Variants in CSDC2 observed in about 807,000 individuals in gnomAD.
The protein encoded by CSDC2 is cold shock domain containing C2, also known as cold shock domain-containing protein C2.
CSDC2 carries 8 observed loss-of-function variants against 15.8 expected under a neutral mutation model. The observed-to-expected ratio is 0.51, with a 90% CI of 0.30 to 0.92. CSDC2 has a LOEUF of 0.92. Ranked by LOEUF, CSDC2 falls within the 40% of genes least tolerant of loss-of-function variation. CSDC2 has a pLI of 0.07. For synonymous variants in CSDC2, 96 were observed against 92.3 expected, an observed-to-expected ratio of 1.04 and a Z score of -0.23; for missense variants, 195 against 213.3, an observed-to-expected ratio of 0.91 and a Z score of 0.53.
rs1410030355 is a variant in CSDC2 at position 41,572,020 on chromosome 22, TC to T, written c.59del (p.Pro20GlnfsTer94). The T allele has an allele frequency of 7.4e-7, 1 of 1,353,358 alleles. No homozygotes were observed. The highest frequency in any genetic ancestry group is 9.5e-7 in the Non-Finnish European group (1 of 1,050,096). 83.8% of individuals were successfully genotyped at this position (1,353,358 alleles called of 1,614,324 possible). On this transcript the variant is annotated frameshift_variant, in exon 2 of 4. Coordinates refer to ENST00000306149, the MANE Select transcript of CSDC2 (RefSeq NM_014460.4). LOFTEE classifies it high-confidence loss of function. The part of the protein sequence containing the change: ...PVVPPLHSPK[S>X]PVWPTFPFHR... ...TGTGCCCCCGCTCCACTCCCCCAAG[TC>T]CCCAGTCTGGCCCACCTTCCCCTTC... is the stretch of plus-strand genomic sequence containing the variant.
At chr22:41,563,321 G>C in intron 1 of CSDC2, among the ~76,000 whole-genome samples, 1 of 152,128 alleles carries the variant, frequency 6.6e-6, no homozygotes, top group South Asian at 2.1e-4. Flanking sequence ...GCTCCTGCCC[G>C]GGGGTCCTGA....
intron 2 of CSDC2, among the ~76,000 whole-genome samples, chr22:41,573,056 A>G (rs187275465): frequency 6.6e-6 from 1 of 152,222 alleles, no homozygotes; most frequent in African/African-American, 2.4e-5. Context: ...TTTTAAAAAA[A>G]TGTTTGGGCC....
intron 1 of CSDC2, among the ~76,000 whole-genome samples, chr22:41,568,025 TCGCCCAG>T (rs113267530): frequency 6.6e-6 from 1 of 151,986 alleles, no homozygotes; most frequent in Admixed American, 6.6e-5. Flanking sequence ...GGGCAGGCTC[TCGCCCAG>T]CGCCCAGCGC....
At position 41,575,767 on chromosome 22, in the gene CSDC2, G is replaced by A. The variant is rs1411009034; in HGVS notation, c.*872G>A. ...TGGATGCCGCGAGGGACGGACACAC[G>A]TCCGGGGCACCCACGAGGAGGGCCC... On this transcript the variant is annotated 3_prime_UTR_variant, in exon 4 of 4. Coordinates refer to ENST00000306149, the MANE Select transcript of CSDC2 (RefSeq NM_014460.4). 1 of 152,348 alleles carries A rather than the reference G, an allele frequency of 6.6e-6. No homozygotes were observed. The highest frequency in any genetic ancestry group is 1.5e-5 in the Non-Finnish European group (1 of 68,130). 9.4% of individuals were successfully genotyped at this position (152,348 alleles called of 1,614,324 possible).
chr22:41,572,261 C>T, intron 2 of CSDC2, 120 bp downstream of exon 2: 1 of 793,474 alleles, frequency 1.3e-6, no homozygotes, highest in Non-Finnish European at 1.7e-6. Context: ...GTGGACCTTC[C>T]AGTAACTGGA....
chr22:41,562,531 C>A (rs542285912), intron 1 of CSDC2, among the ~76,000 whole-genome samples: 1 of 151,878 alleles, frequency 6.6e-6, no homozygotes, highest in African/African-American at 2.4e-5. Flanking sequence ...GCAATGTTCA[C>A]GGATGCGCAG....
chr22:41,574,192 T>C (rs1408924353), intron 3 of CSDC2, among the ~76,000 whole-genome samples: 1 of 152,194 alleles, frequency 6.6e-6, no homozygotes, highest in Non-Finnish European at 1.5e-5. Flanking sequence ...TTTAGGGACC[T>C]CCCCGTGCCC....
intron 1 of CSDC2, among the ~76,000 whole-genome samples, chr22:41,563,175 C>T (rs1443243095): frequency 1.3e-5 from 2 of 152,114 alleles, no homozygotes; most frequent in South Asian, 2.1e-4. Context: ...CATGCACAGA[C>T]GCAGGCACAC....
intron 1 of CSDC2, among the ~76,000 whole-genome samples, chr22:41,568,288 C>T (rs906902507): frequency 6.6e-6 from 1 of 151,622 alleles, no homozygotes; most frequent in Non-Finnish European, 1.5e-5. Context: ...CTACACCCAG[C>T]TAATTTTTTT....
intron 1 of CSDC2, among the ~76,000 whole-genome samples, chr22:41,569,020 C>G (rs936987880): frequency 2.6e-5 from 4 of 152,268 alleles, no homozygotes; most frequent in Non-Finnish European, 4.4e-5. Context: ...CTCCCTGCCC[C>G]TCCATGGCCT....
chr22:41,565,867 G>A (rs765603619), intron 1 of CSDC2, among the ~76,000 whole-genome samples: 27 of 152,178 alleles, frequency 1.8e-4, no homozygotes, highest in Admixed American at 6.5e-4. Context: ...GATGAGCTTG[G>A]CTCAGAGCCC....
At chr22:41,561,412 T>G (rs927021025) in intron 1 of CSDC2, among the ~76,000 whole-genome samples, 9 of 152,278 alleles carry the variant, frequency 5.9e-5, no homozygotes, top group Non-Finnish European at 1.2e-4. Flanking sequence ...TGTCTGTGTC[T>G]GTGTCTGTGT....
rs60873995 is a variant in CSDC2, at chr22:41,575,106, A to G, written c.*211A>G. The G allele has an allele frequency of 0.04, 25,315 of 636,370 alleles. 2,228 individuals are homozygous for G. The highest frequency in any genetic ancestry group is 0.27 in the African/African-American group (14,571 of 54,372). The allele number at this position is 636,370 out of a possible 1,614,324, so 39.4% of individuals were successfully genotyped here. On this transcript the variant is annotated 3_prime_UTR_variant, in exon 4 of 4. Coordinates refer to ENST00000306149, the MANE Select transcript of CSDC2 (RefSeq NM_014460.4). Reference sequence around the variant, plus strand: ...CTACTGTGCAAGCTGGCCAGGAGGTAGGTGGAGGGCAAGGCCACCAGACCT... The same window carrying G: ...CTACTGTGCAAGCTGGCCAGGAGGTGGGTGGAGGGCAAGGCCACCAGACCT...
chr22:41,573,014 G>A (rs2067156037), intron 2 of CSDC2, among the ~76,000 whole-genome samples: 1 of 151,984 alleles, frequency 6.6e-6, no homozygotes, highest in South Asian at 2.1e-4. Flanking sequence ...TAGCTGGGAC[G>A]ACTGGTGCGT....
Position 41,575,079 on chromosome 22 carries a change from G to A in CSDC2, c.*184G>A, listed in dbSNP as rs780697174. The A allele has an allele frequency of 6.7e-6, 5 of 747,720 alleles. No individual in the cohort carries two copies. Among genetic ancestry groups the A allele is most frequent in the Non-Finnish European group, 8.5e-6 (4 of 470,304 alleles). The allele number at this position is 747,720 out of a possible 1,614,324, so 46.3% of individuals were successfully genotyped here. On this transcript the variant is annotated 3_prime_UTR_variant, in exon 4 of 4. Coordinates refer to ENST00000306149, the MANE Select transcript of CSDC2 (RefSeq NM_014460.4). Reference sequence around the variant, plus strand: ...TGCCTCCACCCACCCCACGACCCGTGACTACTGTGCAAGCTGGCCAGGAGG... The same window carrying A: ...TGCCTCCACCCACCCCACGACCCGTAACTACTGTGCAAGCTGGCCAGGAGG...
intron 1 of CSDC2, among the ~76,000 whole-genome samples, chr22:41,562,782 G>A (rs2067094027): frequency 6.6e-6 from 1 of 152,156 alleles, no homozygotes. Context: ...AAAGTAGTAG[G>A]GAGCTCTTCT....
intron 1 of CSDC2, among the ~76,000 whole-genome samples, chr22:41,566,661 C>T (rs1484780883): frequency 1.4e-5 from 2 of 141,692 alleles, no homozygotes; most frequent in South Asian, 2.3e-4. Flanking sequence ...GGAGGGTCAC[C>T]GGACTCAGTG....
At chr22:41,562,110 G>T (rs891528750) in intron 1 of CSDC2, among the ~76,000 whole-genome samples, 1 of 152,132 alleles carries the variant, frequency 6.6e-6, no homozygotes, top group African/African-American at 2.4e-5. Flanking sequence ...TGGGGCTGGG[G>T]TAGGAGAGGA....
intron 1 of CSDC2, among the ~76,000 whole-genome samples, chr22:41,571,409 A>T (rs2067144473): frequency 1.3e-5 from 2 of 152,094 alleles, no homozygotes; most frequent in South Asian, 4.1e-4. Flanking sequence ...AAGGTGGAGG[A>T]TGCAGGATTC....
Sources: allele counts gnomAD v4.1 joint callset (sites outside exome capture counted in the v4.1 genomes callset), GRCh38; gene constraint gnomAD v4.1.1; transcripts MANE v1.5; gene names NCBI Gene and HGNC (gene_info 2026-07-23, HGNC 2026-07-21).